The following ANK2 variants were observed in gnomAD, a reference collection of about 807,000 sequenced individuals.
The protein encoded by ANK2 is ankyrin-2.
Under a neutral mutation model 360.5 loss-of-function variants are expected in ANK2, and 83 were observed. That is an observed-to-expected ratio of 0.23 (90% CI 0.19 to 0.28). The LOEUF (loss-of-function observed/expected upper bound fraction) is 0.28. ANK2 is among the 10% of genes least tolerant of loss of function. The probability of loss-of-function intolerance (pLI) is 1.00; values close to 1 mark genes in which losing one functional copy is unlikely to be tolerated. For missense variants in ANK2, 4,201 were observed against 4,795.7 expected, an observed-to-expected ratio of 0.88 and a Z score of 3.66; for synonymous variants, 1,740 against 1,759.5, an observed-to-expected ratio of 0.99 and a Z score of 0.28.
chr4:113,237,569 C>T (rs761134497), intron 6 of ANK2, 30 bp from the exon 7 acceptor site: 93 of 1,597,118 alleles, frequency 5.8e-5, no homozygotes, highest in Non-Finnish European at 7.9e-5. Context: ...GTAATATCTT[C>T]CCTCTTTCTT....
chr4:112,917,935 G>A (rs1402761406), intron 2 of ANK2, among the ~76,000 whole-genome samples: 2 of 152,094 alleles, frequency 1.3e-5, no homozygotes, highest in Admixed American at 1.3e-4. Flanking sequence ...ATTGTCAATG[G>A]CATCAGGCTA....
chr4:113,013,300 A>G (rs760124918), intron 2 of ANK2, among the ~76,000 whole-genome samples: 1 of 152,184 alleles, frequency 6.6e-6, no homozygotes, highest in Non-Finnish European at 1.5e-5. Flanking sequence ...GATCATTTCC[A>G]TCTGACTCTT....
At position 113,316,024 on chromosome 4, in the gene ANK2, A is replaced by G. The variant is rs2082794701; in HGVS notation, c.2694-1683A>G. On this transcript the variant is annotated intron_variant, in intron 24 of 45. Coordinates refer to ENST00000357077, the MANE Select transcript of ANK2 (RefSeq NM_001148.6). ...AACAAATTATCCATTCCACCAGCTG[A>G]GACAAGCTTTTGCTGAGATTAACCC... Among the ~76,000 whole-genome samples, 3 of 152,126 alleles carry G rather than the reference A, an allele frequency of 2.0e-5. No individual in the cohort carries two copies. In the South Asian group the frequency reaches 6.2e-4, roughly 32 times the overall value.
Position 113,357,995 on chromosome 4 carries a change from A to G in ANK2, c.9377A>G (p.Asp3126Gly), listed in dbSNP as rs766225113. The change falls in exon 38 of 46, where the codon GAT becomes GGT. Residue 3126 changes from aspartate to glycine, a missense_variant. Coordinates refer to ENST00000357077, the MANE Select transcript of ANK2 (RefSeq NM_001148.6). ...GATATGACCAAAAGGTCCTATGCAG[A>G]TGAAAGTTTTCACTTTTTCCAAATT... ...AIDMTKRSYADESFHFFQIGQ... is the reference protein window; with the variant it reads ...AIDMTKRSYAGESFHFFQIGQ... 1 of 1,614,040 alleles carries G rather than the reference A, an allele frequency of 6.2e-7. No homozygotes were observed.
the ANK2 span, chr4:112,738,964 G>T: frequency 2.8e-6 from 2 of 705,800 alleles, no homozygotes; most frequent in Admixed American, 3.6e-5. Flanking sequence ...AGCTGGAAGT[G>T]CTGCTGATGT....
At chr4:113,130,783 A>G (rs372550567) in intron 1 of ANK2, among the ~76,000 whole-genome samples, 2 of 152,310 alleles carry the variant, frequency 1.3e-5, no homozygotes, top group South Asian at 4.1e-4. Context: ...ATCCAACACT[A>G]TTTTTGTGTC....
At chr4:112,753,098 T>C in the ANK2 span, among the ~76,000 whole-genome samples, 3 of 152,194 alleles carry the variant, frequency 2.0e-5, no homozygotes, top group African/African-American at 7.2e-5. Flanking sequence ...TCCCATATTA[T>C]TTTCCTCGAG....
chr4:113,306,298 A>T (rs1445072734), intron 23 of ANK2, among the ~76,000 whole-genome samples: 3 of 152,230 alleles, frequency 2.0e-5, no homozygotes, highest in Admixed American at 2.0e-4. Flanking sequence ...ATAACAGGGC[A>T]CATAGATTTT....
At chr4:112,751,850 G>C in the ANK2 span, among the ~76,000 whole-genome samples, 1 of 152,186 alleles carries the variant, frequency 6.6e-6, no homozygotes, top group Non-Finnish European at 1.5e-5. Context: ...GGATGTGGAG[G>C]ATGTGCTGGA....
chr4:113,336,157 C>A (rs1020506819), intron 30 of ANK2, 100 bp downstream of exon 30: 39 of 1,224,758 alleles, frequency 3.2e-5, no homozygotes, highest in Admixed American at 6.1e-5. Flanking sequence ...ATAATCACAC[C>A]AAAAAGGAAG....
the ANK2 span, among the ~76,000 whole-genome samples, chr4:112,805,439 G>T: frequency 6.6e-6 from 1 of 152,062 alleles, no homozygotes; most frequent in African/African-American, 2.4e-5. Context: ...ATCATTTTTT[G>T]TGCTCGCTAT....
chr4:112,805,914 C>T, the ANK2 span, among the ~76,000 whole-genome samples: 1 of 152,046 alleles, frequency 6.6e-6, no homozygotes, highest in South Asian at 2.1e-4. Context: ...AATTTTTAAG[C>T]CTTTAATTAT....
chr4:113,328,976 C>G (rs2091459219), intron 26 of ANK2, among the ~76,000 whole-genome samples: 1 of 152,058 alleles, frequency 6.6e-6, no homozygotes, highest in African/African-American at 2.4e-5. Context: ...CTAGGTGGGA[C>G]AAATCCAGTT....
chr4:112,976,874 C>G (rs1373835910), intron 2 of ANK2, among the ~76,000 whole-genome samples: 2 of 152,158 alleles, frequency 1.3e-5, no homozygotes, highest in Non-Finnish European at 2.9e-5. Context: ...TTTATATCCT[C>G]CTTGGACTCA....
intron 2 of ANK2, among the ~76,000 whole-genome samples, chr4:112,993,208 TGAG>T (rs1278141677): frequency 6.6e-6 from 1 of 152,094 alleles, no homozygotes; most frequent in East Asian, 1.9e-4. Context: ...TGCTTGAGGC[TGAG>T]AAGTCGAGGC....
At chr4:112,974,425 A>T (rs577090165) in intron 2 of ANK2, among the ~76,000 whole-genome samples, 1 of 152,226 alleles carries the variant, frequency 6.6e-6, no homozygotes, top group Non-Finnish European at 1.5e-5. Context: ...TACTAAATTA[A>T]CATACTACCT....
At chr4:112,845,797 T>A (rs2063158030) in intron 1 of ANK2, among the ~76,000 whole-genome samples, 1 of 152,248 alleles carries the variant, frequency 6.6e-6, no homozygotes, top group Admixed American at 6.5e-5. Flanking sequence ...AAATGTAGAT[T>A]CTCAAGTTAT....
At position 113,006,599 on chromosome 4, in the gene ANK2, C is replaced by T. The variant is rs2052957549; in HGVS notation, c.21+102085C>T. On this transcript the variant is annotated intron_variant, in intron 2 of 30. Transcript: ENST00000503271. ...AGTATAAATGGGCACAGGATTTCTA[C>T]AGGGCAATTTGGCAATATCTATTGA... is the stretch of plus-strand genomic sequence containing the variant. 2.6e-5 allele frequency among the ~76,000 whole-genome samples: 4 copies of T among 152,278 alleles called. No homozygotes were observed. In the South Asian group the frequency reaches 8.3e-4, roughly 32 times the overall value.
the ANK2 span, among the ~76,000 whole-genome samples, chr4:112,728,987 A>G: frequency 6.6e-6 from 1 of 152,122 alleles, no homozygotes; most frequent in African/African-American, 2.4e-5. Context: ...TGGTAGGTCT[A>G]CATCAGCCCA....
Sources: allele counts gnomAD v4.1 joint callset (sites outside exome capture counted in the v4.1 genomes callset), GRCh38; gene constraint gnomAD v4.1.1; transcripts MANE v1.5; gene names NCBI Gene and HGNC (gene_info 2026-07-23, HGNC 2026-07-21).